CENPP: variants seen among roughly 807,000 people sequenced by gnomAD.
The protein encoded by CENPP is centromere protein P.
In CENPP, 24 loss-of-function variants were observed where a neutral mutation model predicts 35.6. That is an observed-to-expected ratio of 0.67 (90% CI 0.49 to 0.95). The LOEUF is 0.95. CENPP is among the 40% of genes least tolerant of loss of function. The probability of loss-of-function intolerance (pLI) is 0.00; values close to 1 mark genes in which losing one functional copy is unlikely to be tolerated. For missense variants in CENPP, 332 were observed against 345.3 expected (o/e 0.96, Z 0.31); for synonymous variants, 120 against 125.5 (o/e 0.96, Z 0.29).
chr9:92,597,193 G>A (rs1850804957), intron 5 of CENPP, among the ~76,000 whole-genome samples: 1 of 152,086 alleles, frequency 6.6e-6, no homozygotes, highest in Non-Finnish European at 1.5e-5. Context: ...ATTATTCTGA[G>A]CCTTAGTTTC....
At chr9:92,488,393 G>A (rs1037046882) in intron 5 of CENPP, among the ~76,000 whole-genome samples, 3 of 152,170 alleles carry the variant, frequency 2.0e-5, no homozygotes, top group African/African-American at 4.8e-5. Context: ...AAGATGTTAC[G>A]TTAGACAGGG....
At chr9:92,504,869 G>T (rs146084840) in intron 5 of CENPP, among the ~76,000 whole-genome samples, 1 of 152,166 alleles carries the variant, frequency 6.6e-6, no homozygotes, top group South Asian at 2.1e-4. Context: ...GAAATGAGGG[G>T]TGTTGACATT....
chr9:92,607,436 C>CAAT (rs1338746921), intron 5 of CENPP, among the ~76,000 whole-genome samples: 1 of 151,940 alleles, frequency 6.6e-6, no homozygotes, highest in Non-Finnish European at 1.5e-5. Flanking sequence ...GGACTAGGGG[C>CAAT]AATAGCTAAA....
chr9:92,388,406 C>T (rs1842524976), intron 5 of CENPP, among the ~76,000 whole-genome samples: 1 of 152,072 alleles, frequency 6.6e-6, no homozygotes, highest in Non-Finnish European at 1.5e-5. Context: ...AAGTGATCCG[C>T]CTGCCTCATC....
intron 5 of CENPP, among the ~76,000 whole-genome samples, chr9:92,488,139 G>T (rs1184545696): frequency 1.3e-5 from 2 of 152,092 alleles, no homozygotes; most frequent in African/African-American, 4.8e-5. Flanking sequence ...GGTTTATCAG[G>T]GTGTAACCCA....
chr9:92,559,468 T>C (rs1849802188), intron 5 of CENPP, among the ~76,000 whole-genome samples: 1 of 152,166 alleles, frequency 6.6e-6, no homozygotes, highest in African/African-American at 2.4e-5. Context: ...TCACAGTAGT[T>C]GGGGTGCCTC....
At chr9:92,600,623 C>T in intron 5 of CENPP, 1 of 1,531,052 alleles carries the variant, frequency 6.5e-7, no homozygotes, top group African/African-American at 1.4e-5. Flanking sequence ...CAGCGCAAGT[C>T]ATGCCCTGGT....
At chr9:92,382,599 A>G (rs1350710761) in intron 5 of CENPP, among the ~76,000 whole-genome samples, 1 of 152,068 alleles carries the variant, frequency 6.6e-6, no homozygotes, top group Non-Finnish European at 1.5e-5. Context: ...ATTCAATGTC[A>G]TAAAGGTTTT....
intron 5 of CENPP, among the ~76,000 whole-genome samples, chr9:92,530,573 T>C (rs1229197516): frequency 6.6e-6 from 1 of 152,242 alleles, no homozygotes; most frequent in Non-Finnish European, 1.5e-5. Flanking sequence ...CTAATGATTG[T>C]AGGTATGTAC....
intron 5 of CENPP, among the ~76,000 whole-genome samples, chr9:92,445,463 A>G (rs1490793766): frequency 6.6e-6 from 1 of 152,094 alleles, no homozygotes; most frequent in African/African-American, 2.4e-5. Flanking sequence ...CTAGTTGTCC[A>G]CCTTGGAGCC....
At chr9:92,379,583 G>A (rs1038282188) in intron 4 of CENPP, among the ~76,000 whole-genome samples, 180 bp from the exon 5 acceptor site, 2 of 152,198 alleles carry the variant, frequency 1.3e-5, no homozygotes, top group Non-Finnish European at 2.9e-5. Flanking sequence ...TCTAGGCTGA[G>A]AAAGTAGCAT....
chr9:92,526,056 C>T (rs1302534837), intron 5 of CENPP, among the ~76,000 whole-genome samples: 1 of 151,976 alleles, frequency 6.6e-6, no homozygotes, highest in Non-Finnish European at 1.5e-5. Flanking sequence ...ATTAACTGCG[C>T]AACAGCCTGA....
At chr9:92,375,807 G>A (rs1008587764) in intron 4 of CENPP, among the ~76,000 whole-genome samples, 12 of 150,156 alleles carry the variant, frequency 8.0e-5, no homozygotes, top group African/African-American at 2.9e-4. Flanking sequence ...TAAAATCATA[G>A]CCTAGTAATT....
chr9:92,459,329 G>A lies in CENPP; in HGVS notation c.564+79470G>A, dbSNP rs111312597. On this transcript the variant is annotated intron_variant, in intron 5 of 7. Transcript: ENST00000375587. ...TCCTCCTGACCAGTCCTGCCTCTGC[G>A]TAGCCACCCCTGCCCTAAAATCTGA... Among the ~76,000 whole-genome samples, 167 of 152,338 alleles carry A rather than the reference G, an allele frequency of 1.1e-3. 1 individual carries two copies. Among genetic ancestry groups the A allele is most frequent in the African/African-American group, 3.7e-3 (155 of 41,588 alleles).
chr9:92,460,623 AT>A, intron 5 of CENPP: 1 of 1,095,562 alleles, frequency 9.1e-7, no homozygotes, highest in South Asian at 1.4e-5. Flanking sequence ...CCAATTGACT[AT>A]TTGTTTACTT....
At chr9:92,565,189 C>T (rs527233) in intron 5 of CENPP, among the ~76,000 whole-genome samples, 3 of 143,558 alleles carry the variant, frequency 2.1e-5, no homozygotes, top group Non-Finnish European at 4.5e-5. Flanking sequence ...CTTGCAGCTT[C>T]TACAGTAGGG....
At chr9:92,484,542 C>T (rs1300907279) in intron 5 of CENPP, among the ~76,000 whole-genome samples, 3 of 152,108 alleles carry the variant, frequency 2.0e-5, no homozygotes, top group South Asian at 2.1e-4. Context: ...GTACTATGAA[C>T]GTTCCTCAGT....
intron 5 of CENPP, among the ~76,000 whole-genome samples, chr9:92,560,523 G>A (rs940055282): frequency 1.3e-5 from 2 of 152,218 alleles, no homozygotes; most frequent in Non-Finnish European, 2.9e-5. Context: ...ACTATGTCCA[G>A]GTTGGGTCAC....
chr9:92,489,899 C>T (rs1846139376), intron 5 of CENPP, among the ~76,000 whole-genome samples: 1 of 152,234 alleles, frequency 6.6e-6, no homozygotes, highest in South Asian at 2.1e-4. Flanking sequence ...GGGTTTACTT[C>T]TGGCCCTTTA....
Sources: gnomAD v4.1 joint callset for allele counts (sites outside exome capture counted in the v4.1 genomes callset) on GRCh38, gnomAD v4.1.1 for gene constraint, MANE v1.5 for transcripts, NCBI Gene and HGNC (gene_info 2026-07-23, HGNC 2026-07-21) for gene names.